DCP1B: variants seen among roughly 807,000 people sequenced by gnomAD.
DCP1B encodes decapping mRNA 1B.
A neutral mutation model predicts 60.5 loss-of-function variants in DCP1B; 47 were observed. The observed-to-expected ratio is 0.78, with a 90% CI of 0.61 to 0.99. The LOEUF (loss-of-function observed/expected upper bound fraction) is 0.99. DCP1B is among the 50% of genes least tolerant of loss of function. DCP1B has a pLI of 0.00. For missense variants in DCP1B, 725 were observed against 756.8 expected (o/e 0.96, Z 0.49); for synonymous variants, 267 against 280.3 (o/e 0.95, Z 0.47).
chr12:1,975,438 A>T (rs531811469), intron 3 of DCP1B, among the ~76,000 whole-genome samples: 45 of 152,164 alleles, frequency 3.0e-4, no homozygotes, highest in Non-Finnish European at 5.0e-4. Flanking sequence ...AATATAAAAC[A>T]CAGAATCTAA....
At chr12:1,969,316 G>A (rs1418495417) in intron 3 of DCP1B, among the ~76,000 whole-genome samples, 4 of 152,086 alleles carry the variant, frequency 2.6e-5, no homozygotes, top group African/African-American at 9.7e-5. Flanking sequence ...TTTTAAGCAG[G>A]TATCTTAAAG....
downstream of DCP1B, among the ~76,000 whole-genome samples, chr12:1,944,488 T>G (rs1390647647): frequency 2.6e-5 from 4 of 151,862 alleles, no homozygotes; most frequent in Admixed American, 2.6e-4. Context: ...CAATCCTAAG[T>G]AAAAAGAACA....
intron 7 of DCP1B, among the ~76,000 whole-genome samples, chr12:1,950,576 T>C (rs569754159): frequency 6.6e-6 from 1 of 152,342 alleles, no homozygotes; most frequent in South Asian, 2.1e-4. Context: ...TAATAAATAA[T>C]AAATGAGAAC....
intron 3 of DCP1B, chr12:1,993,001 G>A (rs937934688): frequency 1.4e-5 from 9 of 625,672 alleles, no homozygotes; most frequent in Admixed American, 1.4e-4. Flanking sequence ...GATCAGCAAT[G>A]GGTTCACACT....
intron 1 of DCP1B, among the ~76,000 whole-genome samples, chr12:1,998,612 C>T (rs2041487407): frequency 6.6e-6 from 1 of 152,134 alleles, no homozygotes; most frequent in Non-Finnish European, 1.5e-5. Flanking sequence ...AAGAAATCTG[C>T]CTGAGAAAAT....
intron 5 of DCP1B, among the ~76,000 whole-genome samples, chr12:1,960,649 T>A (rs2031089132): frequency 6.6e-6 from 1 of 152,198 alleles, no homozygotes; most frequent in African/African-American, 2.4e-5. Flanking sequence ...ATACCATACA[T>A]AAATATATAC....
intron 8 of DCP1B, among the ~76,000 whole-genome samples, chr12:1,946,806 C>A (rs550406312): frequency 4.3e-4 from 65 of 152,224 alleles, no homozygotes; most frequent in African/African-American, 1.2e-3. Context: ...TTCAAGCGAT[C>A]CTCCCACCTC....
chr12:1,967,105 C>G (rs994528615), intron 4 of DCP1B, among the ~76,000 whole-genome samples: 1 of 152,168 alleles, frequency 6.6e-6, no homozygotes, highest in Admixed American at 6.5e-5. Flanking sequence ...AGTGAGCAGC[C>G]CTGGGCTCAA....
At position 2,003,999 on chromosome 12, in the gene DCP1B, C is replaced by T. The variant is rs114471749; in HGVS notation, c.150+283G>A. On this transcript the variant is annotated intron_variant, in intron 1 of 8. Transcript: ENST00000280665. ...CATAAGGTATCAGGTCCTTCCTTTC[C>T]TTCGGCTCTTATGGTGCCGTACCCG... is the stretch of plus-strand genomic sequence containing the variant. 9.0e-3 allele frequency among the ~76,000 whole-genome samples: 1,373 copies of T among 152,272 alleles called. 14 individuals carry two copies. The highest frequency in any genetic ancestry group is 0.013 in the Non-Finnish European group (906 of 68,020).
chr12:1,979,900 G>A (rs2035609769), intron 3 of DCP1B, among the ~76,000 whole-genome samples: 1 of 151,928 alleles, frequency 6.6e-6, no homozygotes, highest in African/African-American at 2.4e-5. Flanking sequence ...CTGTTGTTAT[G>A]GTAAAATGCA....
At chr12:1,987,984 T>C (rs1416291620) in intron 3 of DCP1B, among the ~76,000 whole-genome samples, 1 of 152,236 alleles carries the variant, frequency 6.6e-6, no homozygotes, top group Non-Finnish European at 1.5e-5. Context: ...AATTTTTTCT[T>C]GGATACCATT....
rs549427909 is a variant in DCP1B at position 1,955,639 on chromosome 12, T to C, written c.523-79A>G. On this transcript the variant is annotated intron_variant, in intron 5 of 8. Coordinates refer to ENST00000280665, the MANE Select transcript of DCP1B (RefSeq NM_152640.5). The stretch of plus-strand genomic sequence containing the variant: ...TTTAAAAGACTACCTTTTTACTTCT[T>C]ATCTAATTGGTAGACGGCTGTGTTT... 2.4e-5 allele frequency: 36 copies of C among 1,478,710 alleles called. No individual in the cohort carries two copies. In the Admixed American group the frequency reaches 4.6e-4, roughly 19 times the overall value. The allele number at this position is 1,478,710 out of a possible 1,614,324, so 91.6% of individuals were successfully genotyped here.
chr12:1,975,866 G>C (rs2034184278), intron 3 of DCP1B, among the ~76,000 whole-genome samples: 1 of 152,138 alleles, frequency 6.6e-6, no homozygotes, highest in Admixed American at 6.6e-5. Flanking sequence ...CTCTCCGTGA[G>C]TCCCCTGGCA....
intron 3 of DCP1B, among the ~76,000 whole-genome samples, chr12:1,985,356 G>A (rs1301304034): frequency 1.3e-5 from 2 of 151,996 alleles, no homozygotes; most frequent in East Asian, 3.9e-4. Flanking sequence ...CTATCTATGA[G>A]TTCACTAACT....
downstream of DCP1B, among the ~76,000 whole-genome samples, chr12:1,944,695 A>T (rs2030364636): frequency 6.6e-6 from 1 of 152,244 alleles, no homozygotes; most frequent in Non-Finnish European, 1.5e-5. Context: ...AGGATTCCCT[A>T]TTTAATAAGT....
chr12:1,980,385 A>C (rs1197197298), intron 3 of DCP1B, among the ~76,000 whole-genome samples: 2 of 152,154 alleles, frequency 1.3e-5, no homozygotes, highest in Non-Finnish European at 2.9e-5. Context: ...CTTCTTTTTA[A>C]AAGCGTCTTT....
At position 1,962,000 on chromosome 12, in the gene DCP1B, C is replaced by T. The variant is rs943676140; in HGVS notation, c.522+3558G>A. On this transcript the variant is annotated intron_variant, in intron 5 of 8. Coordinates refer to ENST00000280665, the MANE Select transcript of DCP1B (RefSeq NM_152640.5). ...TTATTATACTCACAGGTCCTGGAGA[C>T]AAGAGGCATGCCACGCTGCACAGGG... 3.3e-5 allele frequency among the ~76,000 whole-genome samples: 5 copies of T among 152,262 alleles called. No individual in the cohort carries two copies. The Middle Eastern group carries it at 0.01, about 311-fold the overall frequency.
At chr12:1,981,527 T>G (rs1386962801) in intron 3 of DCP1B, among the ~76,000 whole-genome samples, 1 of 152,188 alleles carries the variant, frequency 6.6e-6, no homozygotes. Context: ...CAACTAGTAA[T>G]TGCCTTTATT....
chr12:1,959,725 T>A (rs1215571193), intron 5 of DCP1B, among the ~76,000 whole-genome samples: 1 of 152,152 alleles, frequency 6.6e-6, no homozygotes, highest in Non-Finnish European at 1.5e-5. Flanking sequence ...TTTGTGAGGC[T>A]GAGGCGGGCG....
Sources: gnomAD v4.1 joint callset for allele counts (sites outside exome capture counted in the v4.1 genomes callset) on GRCh38, gnomAD v4.1.1 for gene constraint, MANE v1.5 for transcripts, NCBI Gene and HGNC (gene_info 2026-07-23, HGNC 2026-07-21) for gene names.